The following MYBPC1 variants were observed in gnomAD, a reference collection of about 807,000 sequenced individuals.
MYBPC1 encodes myosin binding protein C1, also known as myosin-binding protein C, slow-type.
A neutral mutation model predicts 147.1 loss-of-function variants in MYBPC1; 52 were observed. That is an observed-to-expected ratio of 0.35 (90% CI 0.28 to 0.45). MYBPC1 has a LOEUF of 0.45. MYBPC1 is among the 20% of genes least tolerant of loss of function. The pLI is 1.00. For synonymous variants in MYBPC1, 477 were observed against 475.9 expected, an observed-to-expected ratio of 1.00 and a Z score of -0.03; for missense variants, 1,228 against 1,440.3, an observed-to-expected ratio of 0.85 and a Z score of 2.39.
chr12:101,675,404 C>T lies in MYBPC1; in HGVS notation c.2922C>T (p.Thr974=). Residue 974 remains threonine (T), a synonymous_variant, in exon 26 of 32, where the codon ACC becomes ACT. Transcript: ENST00000361466. ...DDGNAAITGY[T]IQKADKKSME... is the part of the protein sequence containing the mutation. ...GAAATGCTGCTATCACAGGCTATAC[C>T]ATTCAGAAGGCTGACAAGAAGAGCA... 1 of 1,614,096 alleles carries T rather than the reference C, an allele frequency of 6.2e-7. No homozygotes were observed. The highest frequency in any genetic ancestry group is 8.5e-7 in the Non-Finnish European group (1 of 1,179,990).
At chr12:101,612,263 T>G (rs745794545) in intron 1 of MYBPC1, among the ~76,000 whole-genome samples, 4 of 152,166 alleles carry the variant, frequency 2.6e-5, no homozygotes, top group Non-Finnish European at 4.4e-5. Context: ...TTTATCTTGT[T>G]ATTCTTATTT....
At chr12:101,678,583 C>T (rs1179666557) in intron 28 of MYBPC1, among the ~76,000 whole-genome samples, 1 of 152,178 alleles carries the variant, frequency 6.6e-6, no homozygotes, top group African/African-American at 2.4e-5. Context: ...ACAACAATCA[C>T]ACTACACTGT....
chr12:101,652,914 A>G, intron 17 of MYBPC1, 130 bp downstream of exon 17: 1 of 1,067,958 alleles, frequency 9.4e-7, no homozygotes, highest in East Asian at 2.5e-5. Flanking sequence ...TTAATCACCA[A>G]TCAGAAAGAT....
rs949558184 is a variant in MYBPC1 at position 101,644,794 on chromosome 12, C to G, written c.963C>G (p.Thr321=). The part of the protein sequence containing the change: ...YKNGQEIRPS[T]KYIFEHKGCQ... ...ATGGTCAAGAAATTCGACCCAGTAC[C>G]AAGTAAGTGGGCTTTGCAAAAATCA... The change falls in exon 12 of 32, where the codon ACC becomes ACG. Residue 321 remains threonine, a splice_region_variant and synonymous_variant. Coordinates refer to ENST00000361466, the MANE Select transcript of MYBPC1 (RefSeq NM_002465.4). The G allele has an allele frequency of 6.2e-6, 10 of 1,613,584 alleles. No individual in the cohort carries two copies. Among genetic ancestry groups the G allele is most frequent in the Non-Finnish European group, 8.5e-6 (10 of 1,179,684 alleles).
the MYBPC1 span, among the ~76,000 whole-genome samples, chr12:101,695,311 T>A: frequency 6.6e-6 from 1 of 152,186 alleles, no homozygotes; most frequent in Non-Finnish European, 1.5e-5. Flanking sequence ...AAAGGACAGG[T>A]GGCTTATATA....
At chr12:101,605,741 A>G (rs1881884983) in intron 1 of MYBPC1, among the ~76,000 whole-genome samples, 1 of 152,066 alleles carries the variant, frequency 6.6e-6, no homozygotes, top group Admixed American at 6.6e-5. Context: ...GGACCCGTGT[A>G]ATTCCAGCTA....
chr12:101,668,494 TC>T (rs1897909939), intron 23 of MYBPC1, among the ~76,000 whole-genome samples: 1 of 152,070 alleles, frequency 6.6e-6, no homozygotes, highest in Admixed American at 6.6e-5. Flanking sequence ...GGAGTTTTGC[TC>T]TTGTTGCCCA....
At chr12:101,621,036 C>A (rs1379378771) in intron 3 of MYBPC1, among the ~76,000 whole-genome samples, 1 of 152,040 alleles carries the variant, frequency 6.6e-6, no homozygotes, top group Non-Finnish European at 1.5e-5. Flanking sequence ...AAGTTCCAAC[C>A]TGAATTATGT....
chr12:101,674,846 A>G (rs1282495028), intron 25 of MYBPC1, among the ~76,000 whole-genome samples: 2 of 129,018 alleles, frequency 1.6e-5, no homozygotes, highest in East Asian at 4.8e-4. Context: ...TGGGTGACAG[A>G]CCATGACTCT....
At chr12:101,633,678 C>G (rs1212408656) in intron 8 of MYBPC1, among the ~76,000 whole-genome samples, 4 of 149,806 alleles carry the variant, frequency 2.7e-5, no homozygotes, top group Non-Finnish European at 5.9e-5. Context: ...CAGAGTGAGA[C>G]TCCGTCTCAA....
At position 101,649,419 on chromosome 12, in the gene MYBPC1, T is replaced by G; in HGVS notation, c.1356T>G (p.Ser452Arg). 6.2e-7 allele frequency: 1 copy of G among 1,613,812 alleles called. No homozygotes were observed. Among genetic ancestry groups the G allele is most frequent in the Non-Finnish European group, 8.5e-7 (1 of 1,179,782 alleles). ...GAGGACAATCATCTGCTAAACTTAG[T>G]GTTGACTGTAAGTGAGACTTCTTTA... Reference protein sequence around the residue: ...TTGGQSSAKLSVDLKPLKILT... With the variant: ...TTGGQSSAKLRVDLKPLKILT... The change falls in exon 15 of 32, where the codon AGT (serine) becomes AGG (arginine). Residue 452 changes from serine to arginine, a missense_variant. Around this residue, in one of 2 missense-constraint regions of MYBPC1, gnomAD observed 1,077 missense variants for 1,314.2 expected, o/e 0.82. Transcript: ENST00000361466.
chr12:101,677,950 C>T, intron 27 of MYBPC1, 152 bp from the exon 28 acceptor site: 1 of 953,398 alleles, frequency 1.0e-6, no homozygotes, highest in South Asian at 1.5e-5. Flanking sequence ...CGTTTATACC[C>T]CTCAGAATGT....
intron 18 of MYBPC1, 119 bp from the exon 19 acceptor site, chr12:101,659,553 C>T (rs1896169303): frequency 1.9e-6 from 2 of 1,044,568 alleles, no homozygotes; most frequent in African/African-American, 3.2e-5. Context: ...ACCAAATACA[C>T]TATATAATCT....
chr12:101,673,649 G>C (rs1455054188), intron 25 of MYBPC1, 27 bp downstream of exon 25: 1 of 1,613,116 alleles, frequency 6.2e-7, no homozygotes, highest in Non-Finnish European at 8.5e-7. Context: ...GAGCCAGAAA[G>C]TTCTGTCAAA....
At chr12:101,636,618 G>T in intron 9 of MYBPC1, 54 bp from the exon 10 acceptor site, 4 of 1,471,884 alleles carry the variant, frequency 2.7e-6, no homozygotes, top group Non-Finnish European at 3.8e-6. Flanking sequence ...GGGGGAAATT[G>T]TTGTGTATGT....
At chr12:101,682,510 T>C (rs1951076969) in intron 29 of MYBPC1, 94 bp from the exon 30 acceptor site, 4 of 1,161,042 alleles carry the variant, frequency 3.4e-6, no homozygotes, top group Non-Finnish European at 5.1e-6. Flanking sequence ...GTTACTCTGA[T>C]AATAGGTAAC....
At chr12:101,634,702 A>C (rs1890643228) in intron 9 of MYBPC1, 97 bp downstream of exon 9, 1 of 1,004,390 alleles carries the variant, frequency 1.0e-6, no homozygotes, top group Admixed American at 1.8e-5. Context: ...TATTCCAAAT[A>C]CGAACAACAC....
rs200891746 is a variant in MYBPC1 at position 101,620,936 on chromosome 12, A to AC, written c.103+3696dup. Among the ~76,000 whole-genome samples, 1,615 of 152,298 alleles carry AC rather than the reference A, an allele frequency of 0.011. 47 individuals carry two copies. The South Asian group carries it at 0.12, about 11-fold the overall frequency. On this transcript the variant is annotated intron_variant, in intron 3 of 31. Coordinates refer to ENST00000361466, the MANE Select transcript of MYBPC1 (RefSeq NM_002465.4). ...TCACCACATAAACTATCGTGAATGA[A>AC]CCCTGTGTGTATTAAATATCTCACA...
At position 101,673,582 on chromosome 12, in the gene MYBPC1, C is replaced by T. The variant is rs764582007; in HGVS notation, c.2769C>T (p.Asp923=). 1.1e-5 allele frequency: 17 copies of T among 1,614,112 alleles called. No homozygotes were observed. The highest frequency in any genetic ancestry group is 3.3e-4 in the Middle Eastern group (2 of 6,060). Residue 923 remains aspartate, a synonymous_variant, in exon 25 of 32, where the codon GAC becomes GAT. Transcript: ENST00000361466. ...SGKYDLQVKV[D]KFVETASIDI... ...AATATGATCTGCAAGTCAAAGTGGA[C>T]AAATTCGTGGAGACCGCATCAATTG... is the stretch of plus-strand genomic sequence containing the variant.
Sources: allele counts gnomAD v4.1 joint callset (sites outside exome capture counted in the v4.1 genomes callset), GRCh38; gene constraint gnomAD v4.1.1; regional missense constraint gnomAD v4.1.1; transcripts MANE v1.5; gene names NCBI Gene and HGNC (gene_info 2026-07-23, HGNC 2026-07-21).